The following PRUNE2 variants were observed in gnomAD, a reference collection of about 807,000 sequenced individuals.
The protein encoded by PRUNE2 is prune homolog 2 with BCH domain.
Under a neutral mutation model 252.0 loss-of-function variants are expected in PRUNE2, and 164 were observed. The observed-to-expected ratio is 0.65, with a 90% CI of 0.57 to 0.74. The LOEUF is 0.74. Among genes scored for constraint, PRUNE2 ranks in the 30% least tolerant of loss-of-function variants. The pLI is 0.00. For synonymous variants in PRUNE2, 1,292 were observed against 1,350.2 expected (o/e 0.96, Z 0.94); for missense variants, 3,495 against 3,711.0 (o/e 0.94, Z 1.51).
At chr9:76,628,855 T>G (rs1587836247) in intron 16 of PRUNE2, among the ~76,000 whole-genome samples, 1 of 151,958 alleles carries the variant, frequency 6.6e-6, no homozygotes, top group East Asian at 1.9e-4. Context: ...CACACACTTT[T>G]TTTTTTTTTT....
intron 6 of PRUNE2, among the ~76,000 whole-genome samples, chr9:76,804,736 A>C (rs2056813645): frequency 6.6e-6 from 1 of 152,108 alleles, no homozygotes; most frequent in South Asian, 2.1e-4. Flanking sequence ...TTGTTCCTAC[A>C]TTTCCTTTTG....
At position 76,710,666 on chromosome 9, in the gene PRUNE2, A is replaced by C; in HGVS notation, c.1608T>G (p.Pro536=). Residue 536 remains proline, a synonymous_variant, in exon 8 of 19, where the codon CCT becomes CCG. Coordinates refer to ENST00000376718, the MANE Select transcript of PRUNE2 (RefSeq NM_015225.3). ...TGGTTCCCATGCCATCAAGTCCTTC[A>C]GGCCCAGCGGGGAGCTGTCCTTCTG... ...DLSEGQLPAG[P]EGLDGMGTNM... The C allele has an allele frequency of 6.2e-7, 1 of 1,612,246 alleles. No individual in the cohort carries two copies. The highest frequency in any genetic ancestry group is 2.2e-5 in the East Asian group (1 of 44,854).
intron 6 of PRUNE2, among the ~76,000 whole-genome samples, chr9:76,761,245 T>C (rs1305353894): frequency 6.6e-6 from 1 of 152,156 alleles, no homozygotes; most frequent in Non-Finnish European, 1.5e-5. Flanking sequence ...TCCTCCACCA[T>C]TGGTCCTGTC....
intron 16 of PRUNE2, among the ~76,000 whole-genome samples, chr9:76,625,830 G>A (rs707742): frequency 0.77 from 117,293 of 151,938 alleles, 46,146 homozygotes; most frequent in Non-Finnish European, 0.84. Context: ...CTTTTTTTCC[G>A]CTCATTTTTG....
rs754421154 is a variant in PRUNE2 at position 76,706,669 on chromosome 9, C to T, written c.5605G>A (p.Gly1869Arg). The change falls in exon 8 of 19, where the codon GGA (glycine) becomes AGA (arginine). Residue 1869 changes from glycine (G) to arginine (R), a missense_variant. Gly to Arg is a moderately radical substitution (Grantham distance 125, BLOSUM62 -2). Transcript: ENST00000376718. Reference protein sequence around the residue: ...SSVHQNASPWGVPVQGDIEPV... With the variant: ...SSVHQNASPWRVPVQGDIEPV... Reference sequence around the variant, plus strand: ...TCAATATCACCCTGAACTGGTACTCCCCAGGGACTGGCATTTTGGTGTACT... The same window carrying T: ...TCAATATCACCCTGAACTGGTACTCTCCAGGGACTGGCATTTTGGTGTACT... 1 of 1,613,706 alleles carries T rather than the reference C, an allele frequency of 6.2e-7. No individual in the cohort carries two copies. The highest frequency in any genetic ancestry group is 1.1e-5 in the South Asian group (1 of 91,038).
At chr9:76,633,961 A>G (rs567604587) in intron 15 of PRUNE2, among the ~76,000 whole-genome samples, 1 of 152,254 alleles carries the variant, frequency 6.6e-6, no homozygotes, top group East Asian at 1.9e-4. Flanking sequence ...AAATAAAAAA[A>G]TTTAGCTGAT....
chr9:76,820,985 A>G (rs544199546), intron 6 of PRUNE2, among the ~76,000 whole-genome samples: 4 of 152,308 alleles, frequency 2.6e-5, no homozygotes, highest in Non-Finnish European at 4.4e-5. Flanking sequence ...CAGAAAACTG[A>G]AGAGAGAGAG....
chr9:76,724,847 C>G (rs1032921954), intron 6 of PRUNE2, among the ~76,000 whole-genome samples: 1 of 152,124 alleles, frequency 6.6e-6, no homozygotes, highest in Middle Eastern at 3.2e-3. Flanking sequence ...CTGCTGTTTC[C>G]TTTAAGGGCC....
intron 6 of PRUNE2, among the ~76,000 whole-genome samples, chr9:76,722,730 T>G (rs541191252): frequency 6.6e-6 from 1 of 152,180 alleles, no homozygotes; most frequent in East Asian, 1.9e-4. Context: ...ACATGGTCTC[T>G]GTTTTGCATT....
intron 1 of PRUNE2, among the ~76,000 whole-genome samples, chr9:76,878,032 C>T (rs1461485557): frequency 6.6e-6 from 1 of 152,164 alleles, no homozygotes; most frequent in Non-Finnish European, 1.5e-5. Context: ...GAATCAATAG[C>T]TGCATCAGCA....
intron 9 of PRUNE2, chr9:76,693,155 TAGAA>T (rs769706379): frequency 6.6e-6 from 1 of 152,192 alleles, no homozygotes; most frequent in African/African-American, 2.4e-5. Flanking sequence ...GTTTACAAAA[TAGAA>T]AGGCATGTGT....
chr9:76,818,324 A>G (rs2057819147), intron 6 of PRUNE2, among the ~76,000 whole-genome samples: 1 of 152,226 alleles, frequency 6.6e-6, no homozygotes, highest in African/African-American at 2.4e-5. Context: ...ACAGTGGCTC[A>G]CTTATGCTTC....
intron 6 of PRUNE2, among the ~76,000 whole-genome samples, chr9:76,793,274 CAATGAACAATAAATAAT>C (rs1005737306): frequency 2.0e-5 from 3 of 152,098 alleles, no homozygotes; most frequent in African/African-American, 7.2e-5. Context: ...ACATAGCAAA[CAATGAACAATAAATAAT>C]AATGAACAAT....
chr9:76,857,766 C>G (rs1183099918), intron 1 of PRUNE2, among the ~76,000 whole-genome samples: 1 of 152,150 alleles, frequency 6.6e-6, no homozygotes, highest in Non-Finnish European at 1.5e-5. Flanking sequence ...ACAGAGCAAA[C>G]ACAGGGGTCA....
chr9:76,883,095 T>C (rs1012619055), intron 1 of PRUNE2, among the ~76,000 whole-genome samples: 1 of 152,244 alleles, frequency 6.6e-6, no homozygotes, highest in Non-Finnish European at 1.5e-5. Context: ...ATCATTCACA[T>C]ACCATCTTTG....
At chr9:76,885,119 C>A (rs2062014506) in intron 1 of PRUNE2, among the ~76,000 whole-genome samples, 2 of 151,680 alleles carry the variant, frequency 1.3e-5, no homozygotes, top group Admixed American at 6.6e-5. Context: ...TGAAACCATG[C>A]AGAATAAAGG....
chr9:76,823,799 T>C (rs2058181670), intron 5 of PRUNE2, 73 bp from the exon 6 acceptor site: 1 of 866,118 alleles, frequency 1.2e-6, no homozygotes, highest in Non-Finnish European at 1.9e-6. Context: ...AAGCGATGTT[T>C]TGAAGAATTT....
At chr9:76,733,378 GATTCATTCATTCATTCATTC>G (rs34956717) in intron 6 of PRUNE2, among the ~76,000 whole-genome samples, 1 of 148,912 alleles carries the variant, frequency 6.7e-6, no homozygotes, top group Non-Finnish European at 1.5e-5. Context: ...ATAAACCACA[GATTCATTCATTCATTCATTC>G]ATTCATTCAT....
At chr9:76,793,669 T>A (rs1249298178) in intron 6 of PRUNE2, among the ~76,000 whole-genome samples, 1 of 152,066 alleles carries the variant, frequency 6.6e-6, no homozygotes, top group African/African-American at 2.4e-5. Flanking sequence ...CTTAGAATCA[T>A]AGAAGTTTTT....
Sources: allele counts gnomAD v4.1 joint callset (sites outside exome capture counted in the v4.1 genomes callset), GRCh38; gene constraint gnomAD v4.1.1; transcripts MANE v1.5; gene names NCBI Gene and HGNC (gene_info 2026-07-23, HGNC 2026-07-21).